The following LOXHD1 variants were observed in gnomAD, a reference collection of about 807,000 sequenced individuals.
LOXHD1 encodes lipoxygenase homology PLAT domains 1.
A neutral mutation model predicts 248.2 loss-of-function variants in LOXHD1; 205 were observed. The observed-to-expected ratio is 0.83, with a 90% CI of 0.74 to 0.93. The LOEUF (loss-of-function observed/expected upper bound fraction) is 0.93, where lower values mean the gene tolerates loss of function less well. LOXHD1 is among the 40% of genes least tolerant of loss of function. The pLI is 0.00. For synonymous variants in LOXHD1, 1,113 were observed against 1,162.8 expected (o/e 0.96, Z 0.87); for missense variants, 2,930 against 2,971.6 (o/e 0.99, Z 0.33).
At chr18:46,581,872 A>G (rs1422905196) in intron 12 of LOXHD1, among the ~76,000 whole-genome samples, 7 of 152,226 alleles carry the variant, frequency 4.6e-5, no homozygotes, top group Admixed American at 6.5e-5. Flanking sequence ...ATCAGAAACT[A>G]TAGAGGCCAG....
Position 46,595,779 on chromosome 18 carries a change from C to T in LOXHD1, c.1135-1313G>A, listed in dbSNP as rs77855874. On this transcript the variant is annotated intron_variant, in intron 8 of 40. Transcript: ENST00000642948. ...GGGCACAGGAGGGTATAATCACCAA[C>T]AATTTATTTACAAGTCTTTCTTTCC... 3.1e-3 allele frequency among the ~76,000 whole-genome samples: 472 copies of T among 152,316 alleles called. 22 individuals are homozygous for T. In the East Asian group the frequency reaches 0.079, roughly 25 times the overall value.
At chr18:46,520,423 G>C in intron 33 of LOXHD1, 1 of 398,042 alleles carries the variant, frequency 2.5e-6, no homozygotes, top group South Asian at 2.0e-5. Flanking sequence ...CACAGGGTCA[G>C]GTGAAACAGA....
chr18:46,618,116 T>C, intron 5 of LOXHD1, 76 bp downstream of exon 5: 1 of 1,104,402 alleles, frequency 9.1e-7, no homozygotes, highest in Non-Finnish European at 1.3e-6. Context: ...TGCCTTCCTC[T>C]GCCAGGATTG....
chr18:46,499,262 G>A (rs569501558), intron 37 of LOXHD1, among the ~76,000 whole-genome samples: 1 of 152,288 alleles, frequency 6.6e-6, no homozygotes, highest in African/African-American at 2.4e-5. Flanking sequence ...GATAATCAGG[G>A]AGCTTCATGG....
At chr18:46,624,593 C>T (rs1290408434) in intron 4 of LOXHD1, among the ~76,000 whole-genome samples, 1 of 152,202 alleles carries the variant, frequency 6.6e-6, no homozygotes, top group African/African-American at 2.4e-5. Flanking sequence ...CCCATTGCCT[C>T]TCAGCCAGGC....
At position 46,524,039 on chromosome 18, in the gene LOXHD1, A is replaced by C. The variant is rs539885815; in HGVS notation, c.4876+427T>G. Among the ~76,000 whole-genome samples the C allele has an allele frequency of 3.5e-4, 53 of 152,316 alleles. No individual in the cohort carries two copies. In the East Asian group the frequency reaches 8.3e-3, roughly 24 times the overall value. On this transcript the variant is annotated intron_variant, in intron 31 of 40. Transcript: ENST00000642948. ...TGATATTGTTTTATGGAGGAAGAAAAAACTGAAGCCAAGAGACTGGCTTGT... is the reference window on the plus strand; with the variant it reads ...TGATATTGTTTTATGGAGGAAGAAACAACTGAAGCCAAGAGACTGGCTTGT...
intron 20 of LOXHD1, chr18:46,559,048 C>T (rs767924940): frequency 2.2e-4 from 191 of 880,516 alleles, no homozygotes; most frequent in Non-Finnish European, 2.9e-4. Flanking sequence ...TCCACTGTTG[C>T]CTTTATATGT....
At chr18:46,575,494 C>G (rs947815577) in intron 14 of LOXHD1, among the ~76,000 whole-genome samples, 6 of 152,172 alleles carry the variant, frequency 3.9e-5, no homozygotes, top group Non-Finnish European at 8.8e-5. Flanking sequence ...ATTAGGGTGA[C>G]CCCTCATCTA....
intron 33 of LOXHD1, chr18:46,518,876 T>C: frequency 5.1e-6 from 5 of 985,642 alleles, no homozygotes; most frequent in Non-Finnish European, 6.0e-6. Flanking sequence ...GAGTGATTCT[T>C]ACAGAGGGAG....
intron 5 of LOXHD1, among the ~76,000 whole-genome samples, chr18:46,615,389 C>A (rs1165358734): frequency 6.6e-6 from 1 of 152,196 alleles, no homozygotes; most frequent in Non-Finnish European, 1.5e-5. Context: ...CTACTGTGTC[C>A]TCTAGTTTCC....
At position 46,563,240 on chromosome 18, in the gene LOXHD1, G is replaced by C; in HGVS notation, c.2438-15C>G. ...ATAGTGGACCACTGGGTGGGCACGT[G>C]CAGAAGAAGTGGAACATTTAGTAAT... On this transcript the variant is annotated splice_polypyrimidine_tract_variant and intron_variant, in intron 17 of 40. Coordinates refer to ENST00000642948, the MANE Select transcript of LOXHD1 (RefSeq NM_001384474.1). 2.7e-6 allele frequency: 4 copies of C among 1,482,290 alleles called. No homozygotes were observed. Among genetic ancestry groups the C allele is most frequent in the Non-Finnish European group, 3.6e-6 (4 of 1,099,944 alleles). 91.8% of individuals were successfully genotyped at this position (1,482,290 alleles called of 1,614,324 possible).
intron 27 of LOXHD1, 133 bp downstream of exon 27, chr18:46,534,202 G>A: frequency 3.2e-6 from 2 of 623,678 alleles, no homozygotes; most frequent in African/African-American, 1.8e-5. Context: ...TGAGTGAACT[G>A]GGTGAATTTT....
chr18:46,521,092 C>T lies in LOXHD1; in HGVS notation c.5271+5G>A, dbSNP rs374936416. The T allele has an allele frequency of 1.9e-6, 3 of 1,551,452 alleles. No individual in the cohort carries two copies. Among genetic ancestry groups the T allele is most frequent in the Non-Finnish European group, 2.6e-6 (3 of 1,146,782 alleles). The stretch of plus-strand genomic sequence containing the variant: ...TGCACTGCACACTCACAGTGCCCCC[C>T]CTACCTTCACCCCAATGTTCACCAC... On this transcript the variant is annotated splice_donor_5th_base_variant and intron_variant, in intron 33 of 40. Transcript: ENST00000642948.
chr18:46,605,610 T>C lies in LOXHD1; in HGVS notation c.760-1381A>G, dbSNP rs187708229. Reference sequence around the variant, plus strand: ...CAACTGGTATCAAAGACTCAGGCAATAGGAAAAAGAAAAGAAACCATCACA... The same window carrying C: ...CAACTGGTATCAAAGACTCAGGCAACAGGAAAAAGAAAAGAAACCATCACA... On this transcript the variant is annotated intron_variant, in intron 6 of 40. Transcript: ENST00000642948. 1.8e-3 allele frequency among the ~76,000 whole-genome samples: 275 copies of C among 152,032 alleles called. 1 individual carries two copies. Among genetic ancestry groups the C allele is most frequent in the African/African-American group, 6.4e-3 (265 of 41,462 alleles).
chr18:46,539,184 G>A (rs2036448728), intron 25 of LOXHD1, among the ~76,000 whole-genome samples: 1 of 152,230 alleles, frequency 6.6e-6, no homozygotes, highest in South Asian at 2.1e-4. Context: ...TTGCAGGCCA[G>A]GTGTGGTGGC....
chr18:46,637,720 T>C (rs2038910794), intron 4 of LOXHD1, among the ~76,000 whole-genome samples: 1 of 152,142 alleles, frequency 6.6e-6, no homozygotes, highest in South Asian at 2.1e-4. Flanking sequence ...AAAAATCCCC[T>C]TTAATTATCC....
intron 12 of LOXHD1, among the ~76,000 whole-genome samples, chr18:46,585,767 A>T (rs2038047929): frequency 6.6e-6 from 1 of 152,192 alleles, no homozygotes; most frequent in African/African-American, 2.4e-5. Context: ...GGAGAAGAAC[A>T]AGTGTTGACA....
Position 46,601,461 on chromosome 18 carries a change from G to C in LOXHD1, c.890C>G (p.Thr297Arg), listed in dbSNP as rs748673610. ...CCCAGTGAAGACGGTGACAATATAC[G>C]TAATAGCTGGTGTGGAAACAACAGG... ...LVGGAETTAI[T>R]YIVTVFTGDV... is the part of the protein sequence containing the mutation. Residue 297 changes from threonine to arginine, a missense_variant, in exon 8 of 41, where the codon ACG (threonine) becomes AGG (arginine). By Grantham distance (71) the Thr-to-Arg change is moderately conservative. Transcript: ENST00000642948. 2 of 1,551,728 alleles carry C rather than the reference G, an allele frequency of 1.3e-6. No individual in the cohort carries two copies. Among genetic ancestry groups the C allele is most frequent in the Middle Eastern group, 1.7e-4 (1 of 5,994 alleles).
chr18:46,644,889 G>A (rs1362861626), intron 2 of LOXHD1, among the ~76,000 whole-genome samples: 1 of 152,230 alleles, frequency 6.6e-6, no homozygotes, highest in East Asian at 1.9e-4. Context: ...AGGGACACCA[G>A]GGAGAAGATC....
Sources: gnomAD v4.1 joint callset for allele counts (sites outside exome capture counted in the v4.1 genomes callset) on GRCh38, gnomAD v4.1.1 for gene constraint, MANE v1.5 for transcripts, NCBI Gene and HGNC (gene_info 2026-07-23, HGNC 2026-07-21) for gene names.